The following CTNNA3 variants were observed in gnomAD, a reference collection of about 807,000 sequenced individuals.
CTNNA3 encodes the protein catenin alpha-3.
In CTNNA3, 76 loss-of-function variants were observed where a neutral mutation model predicts 95.7. That is an observed-to-expected ratio of 0.79 (90% CI 0.66 to 0.96). CTNNA3 has a LOEUF of 0.96. Ranked by LOEUF, CTNNA3 falls within the 40% of genes least tolerant of loss-of-function variation. The pLI, the probability that CTNNA3 is intolerant of heterozygous loss-of-function variation, is 0.00. For synonymous variants in CTNNA3, 431 were observed against 374.4 expected, an observed-to-expected ratio of 1.15 and a Z score of -1.74; for missense variants, 1,191 against 1,089.8, an observed-to-expected ratio of 1.09 and a Z score of -1.31.
At chr10:66,518,639 C>T (rs1188010091) in intron 11 of CTNNA3, among the ~76,000 whole-genome samples, 2 of 151,808 alleles carry the variant, frequency 1.3e-5, no homozygotes, top group African/African-American at 2.4e-5. Context: ...GAATAATATA[C>T]AATCATGCAG....
chr10:67,570,637 C>T (rs1035907577), intron 3 of CTNNA3, among the ~76,000 whole-genome samples: 3 of 152,148 alleles, frequency 2.0e-5, no homozygotes, highest in African/African-American at 7.2e-5. Context: ...ACATACTCAC[C>T]ATGTATAAAC....
At chr10:66,487,863 T>C (rs181462101) in intron 11 of CTNNA3, among the ~76,000 whole-genome samples, 7 of 152,302 alleles carry the variant, frequency 4.6e-5, no homozygotes, top group East Asian at 3.9e-4. Flanking sequence ...TTTTGGTAAA[T>C]ACTCTTTAAA....
intron 5 of CTNNA3, among the ~76,000 whole-genome samples, chr10:67,321,683 T>A (rs1326100066): frequency 6.6e-6 from 1 of 152,194 alleles, no homozygotes; most frequent in Non-Finnish European, 1.5e-5. Context: ...ACTTTAAATA[T>A]CATCTCTAAG....
chr10:67,585,026 A>G (rs1842577816), intron 3 of CTNNA3, among the ~76,000 whole-genome samples: 1 of 152,174 alleles, frequency 6.6e-6, no homozygotes, highest in African/African-American at 2.4e-5. Flanking sequence ...GGGTTAGGCG[A>G]TGCCCCGCCC....
chr10:66,842,281 A>G (rs1181591777), intron 7 of CTNNA3, among the ~76,000 whole-genome samples: 2 of 151,904 alleles, frequency 1.3e-5, no homozygotes, highest in Non-Finnish European at 1.5e-5. Context: ...TTCAAATAAT[A>G]TATTAGTATT....
rs553853705 is a variant in CTNNA3, at chr10:66,544,518, G to C, written c.1375-23745C>G. 2.0e-5 allele frequency among the ~76,000 whole-genome samples: 3 copies of C among 152,158 alleles called. No homozygotes were observed. The South Asian group carries it at 6.2e-4, about 32-fold the overall frequency. On this transcript the variant is annotated intron_variant, in intron 10 of 17. Coordinates refer to ENST00000433211, the MANE Select transcript of CTNNA3 (RefSeq NM_013266.4). ...ATTTTAATAAATGTGGACTGAGATTGCTTTAACAGAAAATATAAGAAATTT... is the reference window on the plus strand; with the variant it reads ...ATTTTAATAAATGTGGACTGAGATTCCTTTAACAGAAAATATAAGAAATTT...
At chr10:66,310,909 G>A (rs1271795719) in intron 12 of CTNNA3, among the ~76,000 whole-genome samples, 1 of 151,990 alleles carries the variant, frequency 6.6e-6, no homozygotes, top group Non-Finnish European at 1.5e-5. Flanking sequence ...GGATGGTCTC[G>A]ATTTCCTGAC....
intron 5 of CTNNA3, among the ~76,000 whole-genome samples, chr10:67,254,309 G>C (rs1261524823): frequency 1.3e-5 from 2 of 151,944 alleles, no homozygotes; most frequent in East Asian, 3.9e-4. Flanking sequence ...AAAGAAAAGA[G>C]GAAGAAGTAA....
intron 13 of CTNNA3, among the ~76,000 whole-genome samples, chr10:66,149,904 A>G (rs563245868): frequency 6.8e-4 from 104 of 152,148 alleles, no homozygotes; most frequent in South Asian, 1.7e-3. Flanking sequence ...AATGGTAAAT[A>G]TTCTTCAATA....
intron 7 of CTNNA3, chr10:66,926,287 A>G (rs1397060633): frequency 2.7e-6 from 1 of 374,108 alleles, no homozygotes; most frequent in South Asian, 2.1e-5. Context: ...CCCCCTCCCC[A>G]CCCCCCAAAA....
At chr10:67,134,374 G>A (rs568441656) in intron 7 of CTNNA3, among the ~76,000 whole-genome samples, 6 of 152,198 alleles carry the variant, frequency 3.9e-5, no homozygotes, top group African/African-American at 1.4e-4. Flanking sequence ...TCTGCTACAG[G>A]TTGGCACCAT....
chr10:66,187,877 C>T (rs1425654779), intron 13 of CTNNA3, among the ~76,000 whole-genome samples: 1 of 151,906 alleles, frequency 6.6e-6, no homozygotes, highest in Non-Finnish European at 1.5e-5. Context: ...AAATAAAGGG[C>T]CATTCACAGG....
At position 67,678,700 on chromosome 10, in the gene CTNNA3, CA is replaced by C. The variant is rs79033184; in HGVS notation, c.-6+17299del. Among the ~76,000 whole-genome samples, 70 of 152,194 alleles carry C rather than the reference CA, an allele frequency of 4.6e-4. 1 individual carries two copies. The East Asian group carries it at 0.013, about 27-fold the overall frequency. On this transcript the variant is annotated intron_variant, in intron 1 of 17. Coordinates refer to ENST00000433211, the MANE Select transcript of CTNNA3 (RefSeq NM_013266.4). ...CACAGACTTTAAATGAAAAATAGGT[CA>C]AAAAACTTAAGCCATTACTACATCA...
chr10:66,195,394 G>C (rs1230781475), intron 13 of CTNNA3, among the ~76,000 whole-genome samples: 1 of 152,096 alleles, frequency 6.6e-6, no homozygotes, highest in African/African-American at 2.4e-5. Context: ...ATTTAGCTAA[G>C]ATTATGAGTA....
chr10:66,068,419 A>G (rs2080359956), intron 15 of CTNNA3, among the ~76,000 whole-genome samples: 1 of 152,166 alleles, frequency 6.6e-6, no homozygotes. Flanking sequence ...ATTATTTTGT[A>G]TGTAATTTTC....
At chr10:67,726,599 TAC>T (rs1202258625) in intron 1 of CTNNA3, among the ~76,000 whole-genome samples, 940 of 78,570 alleles carry the variant, frequency 0.012, 9 homozygotes, top group African/African-American at 0.016. Context: ...AATATTATAT[TAC>T]ATATTATATA....
At chr10:66,084,141 A>AG (rs1467119974) in intron 14 of CTNNA3, among the ~76,000 whole-genome samples, 1 of 130,364 alleles carries the variant, frequency 7.7e-6, no homozygotes, top group African/African-American at 2.5e-5. Flanking sequence ...ATCTCAAAAA[A>AG]AAAAAAGAAA....
intron 9 of CTNNA3, among the ~76,000 whole-genome samples, chr10:66,681,180 G>T (rs1195966845): frequency 1.3e-5 from 2 of 152,168 alleles, no homozygotes; most frequent in South Asian, 4.1e-4. Flanking sequence ...CTTTCTAGAA[G>T]AATTACCCAT....
intron 15 of CTNNA3, among the ~76,000 whole-genome samples, chr10:65,993,589 T>C (rs1178137432): frequency 6.6e-6 from 1 of 152,236 alleles, no homozygotes; most frequent in Admixed American, 6.5e-5. Flanking sequence ...GGTTTCTGTT[T>C]GCACCAAATA....
Sources: allele counts gnomAD v4.1 joint callset (sites outside exome capture counted in the v4.1 genomes callset), GRCh38; gene constraint gnomAD v4.1.1; transcripts MANE v1.5; gene names NCBI Gene and HGNC (gene_info 2026-07-23, HGNC 2026-07-21).